NRG1: variants seen among roughly 807,000 people sequenced by gnomAD.
NRG1 encodes neuregulin 1, also known as pro-neuregulin-1, membrane-bound isoform.
A neutral mutation model predicts 63.8 loss-of-function variants in NRG1; 18 were observed. The ratio of observed to expected loss-of-function variants is 0.28; its 90% CI spans 0.19 to 0.42. The LOEUF is 0.42. NRG1 is among the 10% of genes least tolerant of loss of function. The pLI is 1.00. For missense variants in NRG1, 762 were observed against 814.7 expected, an observed-to-expected ratio of 0.94 and a Z score of 0.79; for synonymous variants, 302 against 301.3, an observed-to-expected ratio of 1.00 and a Z score of -0.02.
chr8:32,011,709 A>G (rs771656305), intron 1 of NRG1, among the ~76,000 whole-genome samples: 1 of 152,102 alleles, frequency 6.6e-6, no homozygotes, highest in Non-Finnish European at 1.5e-5. Context: ...TGGAAGCAAT[A>G]GAAAGTCAGG....
At chr8:32,581,817 T>A (rs923405204) in intron 1 of NRG1, among the ~76,000 whole-genome samples, 2 of 152,220 alleles carry the variant, frequency 1.3e-5, no homozygotes, top group Admixed American at 1.3e-4. Flanking sequence ...TAATAATACA[T>A]AGCTTTGCTA....
chr8:31,740,140 A>C (rs1285458071), intron 1 of NRG1, among the ~76,000 whole-genome samples: 2 of 151,830 alleles, frequency 1.3e-5, no homozygotes, highest in Non-Finnish European at 2.9e-5. Flanking sequence ...TTCTTTTTTT[A>C]TATGTATTAG....
At position 31,876,030 on chromosome 8, in the gene NRG1, A is replaced by AAAACAAAC. The variant is rs4035778; in HGVS notation, c.37+236630_37+236637dup. On this transcript the variant is annotated intron_variant, in intron 1 of 10. Coordinates refer to the NRG1 transcript ENST00000519301. ...TAGGCATCAGATCACTCTGTCCTAA[A>AAAACAAAC]AAACAAACAAACAAACAAACAAACA... Among the ~76,000 whole-genome samples the AAAACAAAC allele has an allele frequency of 5.7e-3, 857 of 149,500 alleles. 2 individuals carry two copies. The highest frequency in any genetic ancestry group is 8.1e-3 in the Non-Finnish European group (547 of 67,434).
At chr8:32,416,301 TCCTC>T (rs71281726) in intron 1 of NRG1, among the ~76,000 whole-genome samples, 4,633 of 142,054 alleles carry the variant, frequency 0.033, 232 homozygotes, top group African/African-American at 0.11. Flanking sequence ...TCACCTTCCT[TCCTC>T]CCTCCCTCCC....
chr8:32,108,247 G>A (rs1395975072), intron 1 of NRG1, among the ~76,000 whole-genome samples: 1 of 152,056 alleles, frequency 6.6e-6, no homozygotes, highest in African/African-American at 2.4e-5. Context: ...GTCCATTTGT[G>A]CTGCTATAAC....
At chr8:32,233,811 C>G (rs889171068) in intron 1 of NRG1, among the ~76,000 whole-genome samples, 1 of 151,874 alleles carries the variant, frequency 6.6e-6, no homozygotes, top group South Asian at 2.1e-4. Flanking sequence ...GATCCACCCC[C>G]CCATCAGCCT....
chr8:32,019,956 C>G (rs907179058), intron 1 of NRG1, among the ~76,000 whole-genome samples: 8 of 152,078 alleles, frequency 5.3e-5, no homozygotes, highest in African/African-American at 1.9e-4. Flanking sequence ...TTAAGATTGT[C>G]TTTGTTATTG....
At chr8:32,693,296 G>A (rs1359244048) in intron 5 of NRG1, among the ~76,000 whole-genome samples, 1 of 150,142 alleles carries the variant, frequency 6.7e-6, no homozygotes, top group African/African-American at 2.5e-5. Flanking sequence ...TCGGCGCACT[G>A]CAACCTCCGC....
chr8:32,686,241 A>C (rs73675406), intron 5 of NRG1, among the ~76,000 whole-genome samples: 2,914 of 152,258 alleles, frequency 0.019, 104 homozygotes, highest in African/African-American at 0.067. Context: ...AGAGAAAAAA[A>C]CTCTAGGATT....
At chr8:31,819,251 T>C (rs1026252072) in intron 1 of NRG1, among the ~76,000 whole-genome samples, 2 of 152,118 alleles carry the variant, frequency 1.3e-5, no homozygotes, top group African/African-American at 4.8e-5. Flanking sequence ...AAAAATAAAA[T>C]AAATTCGGAA....
intron 1 of NRG1, among the ~76,000 whole-genome samples, chr8:32,384,677 T>C (rs1810760586): frequency 6.6e-6 from 1 of 152,234 alleles, no homozygotes. Flanking sequence ...CAGATTCCCA[T>C]GTAATAGGGA....
chr8:32,237,916 A>G (rs1161180954), intron 1 of NRG1, among the ~76,000 whole-genome samples: 1 of 152,146 alleles, frequency 6.6e-6, no homozygotes, highest in Non-Finnish European at 1.5e-5. Flanking sequence ...AACTATTTAT[A>G]AGACCATCTT....
intron 1 of NRG1, among the ~76,000 whole-genome samples, chr8:32,421,359 C>T (rs1431239730): frequency 2.0e-5 from 3 of 152,132 alleles, no homozygotes; most frequent in African/African-American, 4.8e-5. Flanking sequence ...TTTGACTTGC[C>T]TACTCCTGGC....
chr8:32,306,807 G>T (rs1309409740), intron 1 of NRG1, among the ~76,000 whole-genome samples: 5 of 152,210 alleles, frequency 3.3e-5, no homozygotes, highest in African/African-American at 9.6e-5. Context: ...TTAATCGATT[G>T]ATTGAAAATG....
intron 1 of NRG1, among the ~76,000 whole-genome samples, chr8:32,222,421 CT>C (rs947620633): frequency 4.0e-5 from 6 of 151,828 alleles, no homozygotes; most frequent in African/African-American, 1.5e-4. Flanking sequence ...AGTATATTCA[CT>C]ATATGCATGG....
At chr8:32,569,971 G>A (rs980130119) in intron 1 of NRG1, among the ~76,000 whole-genome samples, 2 of 147,378 alleles carry the variant, frequency 1.4e-5, no homozygotes, top group East Asian at 2.0e-4. Context: ...GCAGTGGCGC[G>A]ATCTTGGCTC....
intron 1 of NRG1, among the ~76,000 whole-genome samples, chr8:31,844,558 C>T (rs1461019058): frequency 6.6e-6 from 1 of 152,164 alleles, no homozygotes; most frequent in Non-Finnish European, 1.5e-5. Flanking sequence ...ATGAAATCCT[C>T]CGAAGGGAGC....
intron 1 of NRG1, among the ~76,000 whole-genome samples, chr8:31,791,162 T>G (rs1319103838): frequency 7.0e-6 from 1 of 143,080 alleles, no homozygotes; most frequent in Non-Finnish European, 1.5e-5. Flanking sequence ...TGAGCTGAGA[T>G]CACATCACTG....
At chr8:32,502,768 T>C (rs1182039759) in intron 1 of NRG1, among the ~76,000 whole-genome samples, 1 of 152,116 alleles carries the variant, frequency 6.6e-6, no homozygotes, top group Non-Finnish European at 1.5e-5. Flanking sequence ...CACATATTTA[T>C]TAGATTTCTT....
Sources: allele counts gnomAD v4.1 joint callset (sites outside exome capture counted in the v4.1 genomes callset), GRCh38; gene constraint gnomAD v4.1.1; transcripts MANE v1.5; gene names NCBI Gene and HGNC (gene_info 2026-07-23, HGNC 2026-07-21).